The following SLC67A1 variants were observed in gnomAD, a reference collection of about 807,000 sequenced individuals.
SLC67A1 encodes solute carrier family 67 member A1.
At chr11:2,917,250 C>T in the SLC67A1 span, among the ~76,000 whole-genome samples, 3 of 152,352 alleles carry the variant, frequency 2.0e-5, no homozygotes, top group Admixed American at 1.3e-4. Context: ...CCCTGCTGAA[C>T]GCAGCCCCTT....
At chr11:2,921,563 A>C in the SLC67A1 span, 1 of 160,042 alleles carries the variant, frequency 6.2e-6, no homozygotes, top group Non-Finnish European at 1.3e-5. Context: ...AGCCTGTCCC[A>C]CCGAGCCCAT....
the SLC67A1 span, among the ~76,000 whole-genome samples, chr11:2,911,955 C>G: frequency 2.2e-4 from 33 of 152,382 alleles, 1 homozygote; most frequent in East Asian, 1.3e-3. Context: ...CTCCATTCAT[C>G]CCAAGATCTG....
At chr11:2,909,810 G>C in the SLC67A1 span, 3 of 1,299,026 alleles carry the variant, frequency 2.3e-6, no homozygotes, top group East Asian at 5.9e-5. Flanking sequence ...TCTTTTGCTC[G>C]TGGGGCGCGA....
the SLC67A1 span, chr11:2,916,479 A>T: frequency 1.5e-6 from 1 of 659,454 alleles, no homozygotes; most frequent in Non-Finnish European, 2.7e-6. Context: ...CCCAGTCCCC[A>T]CTCTTTAGGC....
the SLC67A1 span, chr11:2,909,795 T>C: frequency 4.5e-6 from 6 of 1,345,776 alleles, no homozygotes; most frequent in African/African-American, 1.6e-5. Flanking sequence ...TTGGCCTCGG[T>C]TTCCTCTTTT....
chr11:2,909,783 T>C, the SLC67A1 span: 8 of 1,368,860 alleles, frequency 5.8e-6, no homozygotes, highest in Middle Eastern at 2.1e-4. Context: ...CCCCGCCTCC[T>C]CTTGGCCTCG....
At chr11:2,923,279 C>G in the SLC67A1 span, among the ~76,000 whole-genome samples, 1 of 151,990 alleles carries the variant, frequency 6.6e-6, no homozygotes, top group Non-Finnish European at 1.5e-5. The surrounding 1 kb of genome is among the most constrained non-coding windows in gnomAD (Gnocchi z 6.5). Context: ...ATCCAGAAAG[C>G]TCAGGGCACA....
the SLC67A1 span, chr11:2,899,897 C>A: frequency 1.7e-6 from 1 of 579,528 alleles, no homozygotes; most frequent in Non-Finnish European, 3.0e-6. Context: ...CTCATCCCAT[C>A]TCCTCCTGCC....
chr11:2,910,519 A>AG, the SLC67A1 span, among the ~76,000 whole-genome samples: 1 of 152,086 alleles, frequency 6.6e-6, no homozygotes, highest in African/African-American at 2.4e-5. Flanking sequence ...TGTGGAAGCC[A>AG]GGGGGCCGTG....
the SLC67A1 span, chr11:2,909,778 C>T: frequency 7.3e-7 from 1 of 1,374,722 alleles, no homozygotes; most frequent in Non-Finnish European, 9.4e-7. Flanking sequence ...CCCCGCCCCG[C>T]CTCCTCTTGG....
chr11:2,909,879 C>T, the SLC67A1 span: 1 of 708,918 alleles, frequency 1.4e-6, no homozygotes, highest in Non-Finnish European at 2.2e-6. Context: ...TAGGCCTGAC[C>T]TCCCGGGCTG....
At chr11:2,915,689 A>G in the SLC67A1 span, among the ~76,000 whole-genome samples, 1 of 152,276 alleles carries the variant, frequency 6.6e-6, no homozygotes, top group East Asian at 1.9e-4. Flanking sequence ...TGCAGGCTGT[A>G]TAGGAGTTTG....
At chr11:2,917,010 C>A in the SLC67A1 span, 1 of 524,502 alleles carries the variant, frequency 1.9e-6, no homozygotes, top group East Asian at 3.5e-5. Context: ...GGAGGGGAGG[C>A]CCAGACAGGG....
chr11:2,911,593 G>A, the SLC67A1 span, among the ~76,000 whole-genome samples: 1 of 152,120 alleles, frequency 6.6e-6, no homozygotes, highest in Admixed American at 6.5e-5. Context: ...CCCACCCCCA[G>A]GTACTCTGCC....
the SLC67A1 span, among the ~76,000 whole-genome samples, chr11:2,923,517 A>T: frequency 6.6e-6 from 1 of 152,114 alleles, no homozygotes; most frequent in Non-Finnish European, 1.5e-5. This position sits in a 1 kb window ranked among gnomAD's most constrained non-coding sequence, Gnocchi z 6.5. Flanking sequence ...GCAGCAGACC[A>T]AGGTCTAGAG....
At chr11:2,917,045 A>ACAGGGAAGGTGCTAGGAGGG in the SLC67A1 span, 6 of 389,254 alleles carry the variant, frequency 1.5e-5, no homozygotes, top group Non-Finnish European at 2.4e-5. Flanking sequence ...GGAGGCCCAG[A>ACAGGGAAGGTGCTAGGAGGG]GAGGCCTGGG....
chr11:2,907,463 G>A, the SLC67A1 span, among the ~76,000 whole-genome samples: 25 of 152,272 alleles, frequency 1.6e-4, no homozygotes, highest in South Asian at 8.3e-4. This position sits in a 1 kb window ranked among gnomAD's most constrained non-coding sequence, Gnocchi z 6.7. Flanking sequence ...TCATCCATCC[G>A]AGTGTGTCTG....
At chr11:2,909,847 A>G in the SLC67A1 span, 18 of 997,976 alleles carry the variant, frequency 1.8e-5, no homozygotes, top group South Asian at 3.1e-4. Flanking sequence ...GCTACTGGGG[A>G]CGTCTGGCCC....
chr11:2,903,535 C>T, the SLC67A1 span: 46 of 1,602,446 alleles, frequency 2.9e-5, no homozygotes, highest in South Asian at 3.2e-4. Flanking sequence ...AGGGCTGAAC[C>T]GCTGTTCCTC....
Sources: gnomAD v4.1 joint callset for allele counts (sites outside exome capture counted in the v4.1 genomes callset) on GRCh38, gnomAD v4.1.1 for gene constraint, Gnocchi (gnomAD v3.1) non-coding constraint, MANE v1.5 for transcripts, NCBI Gene and HGNC (gene_info 2026-07-23, HGNC 2026-07-21) for gene names.